Variants in BLTP1 observed in about 807,000 individuals in gnomAD.
BLTP1 encodes the protein fragile site-associated protein.
At chr4:122,272,244 A>G in the BLTP1 span, 1 of 1,613,404 alleles carries the variant, frequency 6.2e-7, no homozygotes, top group Admixed American at 1.7e-5. Context: ...ACTCAGAGGA[A>G]ACGTAGCTTG....
chr4:122,314,063 G>C, the BLTP1 span: 2 of 970,280 alleles, frequency 2.1e-6, no homozygotes, highest in Non-Finnish European at 2.4e-6. Flanking sequence ...TGTATAAAAA[G>C]AAGAGAATAT....
At chr4:122,226,455 A>G in the BLTP1 span, 1 of 1,238,184 alleles carries the variant, frequency 8.1e-7, no homozygotes, top group African/African-American at 1.6e-5. Flanking sequence ...GCTGAAGTGA[A>G]ATTTTTCAGT....
chr4:122,192,368 C>T, the BLTP1 span: 103 of 1,603,348 alleles, frequency 6.4e-5, no homozygotes, highest in Middle Eastern at 1.8e-3. Context: ...GACCATGGGC[C>T]GATAGGCAGA....
chr4:122,358,946 G>A, the BLTP1 span, among the ~76,000 whole-genome samples: 1 of 151,904 alleles, frequency 6.6e-6, no homozygotes, highest in Non-Finnish European at 1.5e-5. Flanking sequence ...TGAAAAGTCT[G>A]CTTAAATAAA....
At chr4:122,177,442 T>C in the BLTP1 span, among the ~76,000 whole-genome samples, 1 of 152,224 alleles carries the variant, frequency 6.6e-6, no homozygotes, top group African/African-American at 2.4e-5. Context: ...CTTTTAAAAA[T>C]GTAAGATCAT....
chr4:122,265,626 T>A, the BLTP1 span, among the ~76,000 whole-genome samples: 2 of 152,220 alleles, frequency 1.3e-5, no homozygotes, highest in Non-Finnish European at 2.9e-5. Context: ...TGAGGTGACC[T>A]AGGACAATCG....
At chr4:122,183,042 GAA>G in the BLTP1 span, 1 of 984,688 alleles carries the variant, frequency 1.0e-6, no homozygotes, top group Non-Finnish European at 1.2e-6. Context: ...TTCTCAAAAA[GAA>G]AAAAAGCTGG....
chr4:122,209,944 T>A, the BLTP1 span: 2 of 1,608,792 alleles, frequency 1.2e-6, no homozygotes, highest in Admixed American at 1.7e-5. Flanking sequence ...TTTATATAAT[T>A]TGTGCTTTTA....
the BLTP1 span, among the ~76,000 whole-genome samples, chr4:122,211,269 A>C: frequency 6.6e-6 from 1 of 152,134 alleles, no homozygotes; most frequent in African/African-American, 2.4e-5. Context: ...TTATTTATTA[A>C]AAATAGTACT....
At chr4:122,209,773 A>G in the BLTP1 span, 1 of 1,595,536 alleles carries the variant, frequency 6.3e-7, no homozygotes, top group East Asian at 2.3e-5. Flanking sequence ...GTACAATTAA[A>G]GGAATGAGTA....
chr4:122,281,634 A>C, the BLTP1 span: 2 of 1,613,588 alleles, frequency 1.2e-6, no homozygotes, highest in Admixed American at 1.7e-5. Flanking sequence ...GAATTTCCTC[A>C]GCTACCAGAA....
the BLTP1 span, among the ~76,000 whole-genome samples, chr4:122,314,535 G>A: frequency 6.6e-6 from 1 of 152,092 alleles, no homozygotes; most frequent in Non-Finnish European, 1.5e-5. Flanking sequence ...ATTGGACAGG[G>A]ACAGGGTGAG....
At chr4:122,309,268 T>C in the BLTP1 span, 1 of 1,610,658 alleles carries the variant, frequency 6.2e-7, no homozygotes. Context: ...TTTTGCAGTC[T>C]AATCATACTG....
the BLTP1 span, chr4:122,231,994 G>T: frequency 1.1e-6 from 1 of 893,152 alleles, no homozygotes; most frequent in Non-Finnish European, 1.3e-6. Context: ...TATATGTTGT[G>T]CAGGAAGCCA....
the BLTP1 span, chr4:122,186,179 A>G: frequency 6.2e-7 from 1 of 1,612,694 alleles, no homozygotes; most frequent in Non-Finnish European, 8.5e-7. Flanking sequence ...TGATGATAAA[A>G]CACGGGAAAT....
chr4:122,234,763 G>T, the BLTP1 span: 2 of 1,553,550 alleles, frequency 1.3e-6, no homozygotes, highest in South Asian at 1.2e-5. Flanking sequence ...TTCTTTTGGG[G>T]TCGGTTTAGG....
chr4:122,237,237 C>T, the BLTP1 span: 1 of 985,316 alleles, frequency 1.0e-6, no homozygotes, highest in Non-Finnish European at 1.2e-6. Context: ...GGAAGTTGAG[C>T]AAGAGTTATT....
At chr4:122,252,946 G>A in the BLTP1 span, among the ~76,000 whole-genome samples, 3 of 152,346 alleles carry the variant, frequency 2.0e-5, no homozygotes, top group East Asian at 5.8e-4. Context: ...AGGAAGCTCA[G>A]CACACACAGA....
At chr4:122,258,017 G>A in the BLTP1 span, among the ~76,000 whole-genome samples, 2 of 152,078 alleles carry the variant, frequency 1.3e-5, no homozygotes, top group African/African-American at 2.4e-5. Flanking sequence ...TTTACCTGAT[G>A]CCTGCTTGAT....
Sources: gnomAD v4.1 joint callset for allele counts (sites outside exome capture counted in the v4.1 genomes callset) on GRCh38, gnomAD v4.1.1 for gene constraint, MANE v1.5 for transcripts, NCBI Gene and HGNC (gene_info 2026-07-23, HGNC 2026-07-21) for gene names.